Variants in LRBA observed in about 807,000 individuals in gnomAD.
The protein encoded by LRBA is lipopolysaccharide-responsive and beige-like anchor protein.
A neutral mutation model predicts 330.0 loss-of-function variants in LRBA; 176 were observed. That is an observed-to-expected ratio of 0.53 (90% confidence interval 0.47 to 0.60). The LOEUF is 0.60. Among genes scored for constraint, LRBA ranks in the 20% least tolerant of loss-of-function variants. The pLI, the probability that LRBA is intolerant of heterozygous loss-of-function variation, is 0.00. For synonymous variants in LRBA, 1,230 were observed against 1,193.0 expected (o/e 1.03, Z -0.64); for missense variants, 3,259 against 3,444.8 (o/e 0.95, Z 1.35).
chr4:150,541,344 G>C lies in LRBA; in HGVS notation c.6330+46704C>G, dbSNP rs181074058. ...AAAATATACCTAATGATCAGTCCTA[G>C]CTTCAAGGAAAGCTGGAAAAACTGG... On this transcript the variant is annotated intron_variant, in intron 40 of 56. Transcript: ENST00000651943. Among the ~76,000 whole-genome samples the C allele has an allele frequency of 1.5e-4, 23 of 152,246 alleles. 1 individual carries two copies. Among genetic ancestry groups the C allele is most frequent in the African/African-American group, 5.3e-4 (22 of 41,532 alleles).
At chr4:150,313,355 T>C (rs1731304073) in intron 51 of LRBA, among the ~76,000 whole-genome samples, 2 of 152,220 alleles carry the variant, frequency 1.3e-5, no homozygotes, top group South Asian at 4.1e-4. Flanking sequence ...CTCTGATACT[T>C]AGATTCTATT....
intron 36 of LRBA, among the ~76,000 whole-genome samples, chr4:150,729,921 T>G (rs1730210801): frequency 6.6e-6 from 1 of 152,286 alleles, no homozygotes; most frequent in East Asian, 1.9e-4. Context: ...TATATGGCAC[T>G]GGGAAAGCTA....
At chr4:150,977,415 C>T (rs1462229254) in intron 2 of LRBA, among the ~76,000 whole-genome samples, 1 of 152,122 alleles carries the variant, frequency 6.6e-6, no homozygotes, top group Non-Finnish European at 1.5e-5. Flanking sequence ...GAACCCGCTG[C>T]CTTGAAGGGA....
intron 40 of LRBA, among the ~76,000 whole-genome samples, chr4:150,539,100 C>G (rs1165861929): frequency 1.3e-5 from 2 of 152,066 alleles, no homozygotes; most frequent in African/African-American, 4.8e-5. Flanking sequence ...TTCAGGCTCC[C>G]GAGTAGCTGG....
intron 47 of LRBA, among the ~76,000 whole-genome samples, chr4:150,413,219 G>A (rs549553338): frequency 7.2e-5 from 11 of 152,026 alleles, no homozygotes; most frequent in African/African-American, 2.7e-4. Flanking sequence ...GTCTTGTTAA[G>A]GATAGGGAAA....
rs1471592720 is a variant in LRBA, at chr4:150,893,080, G to A, written c.2137C>T (p.Pro713Ser). ...LMSEHPNSMI[P>S]AFDQRNGLRV... The stretch of plus-strand genomic sequence containing the variant: ...AACCCATTCCTTTGGTCAAAAGCAG[G>A]AATCATAGAGTTAGGGTGTTCTGAC... Residue 713 changes from proline (P) to serine (S), a missense_variant, in exon 17 of 57, where the codon CCT becomes TCT. Physicochemically the swap from Pro to Ser is moderately conservative, Grantham distance 74 (BLOSUM62 -1). Transcript: ENST00000651943. 2 of 1,611,012 alleles carry A rather than the reference G, an allele frequency of 1.2e-6. No individual in the cohort carries two copies. Among genetic ancestry groups the A allele is most frequent in the Non-Finnish European group, 8.5e-7 (1 of 1,178,226 alleles).
chr4:150,446,865 C>T (rs1752677580), intron 44 of LRBA, among the ~76,000 whole-genome samples: 1 of 152,154 alleles, frequency 6.6e-6, no homozygotes, highest in South Asian at 2.1e-4. Context: ...ACATAGAGAA[C>T]TTACATTTTA....
chr4:150,415,615 G>A, intron 46 of LRBA, 25 bp from the exon 47 acceptor site: 2 of 1,394,664 alleles, frequency 1.4e-6, no homozygotes, highest in Non-Finnish European at 2.0e-6. Context: ...AAGACAATGT[G>A]ATATTATAAA....
chr4:150,519,507 T>C (rs189713480), intron 40 of LRBA, among the ~76,000 whole-genome samples: 96 of 152,294 alleles, frequency 6.3e-4, no homozygotes, highest in African/African-American at 2.3e-3. Flanking sequence ...CCGTAAAGTT[T>C]TTGAGGTTGT....
At chr4:150,933,487 A>T (rs1734730893) in intron 2 of LRBA, among the ~76,000 whole-genome samples, 1 of 152,194 alleles carries the variant, frequency 6.6e-6, no homozygotes, top group Non-Finnish European at 1.5e-5. Flanking sequence ...ACTGTGAGAA[A>T]ATCAAGGTGG....
At chr4:150,955,563 G>C (rs527622764) in intron 2 of LRBA, among the ~76,000 whole-genome samples, 1 of 148,460 alleles carries the variant, frequency 6.7e-6, no homozygotes, top group African/African-American at 2.6e-5. Flanking sequence ...GGTCAGCCTG[G>C]GCAACACAAG....
chr4:150,759,044 G>A (rs1418209083), intron 35 of LRBA, among the ~76,000 whole-genome samples: 1 of 151,838 alleles, frequency 6.6e-6, no homozygotes, highest in Non-Finnish European at 1.5e-5. Flanking sequence ...AGCTTTCCAA[G>A]TAGCTGGTAC....
At chr4:150,489,161 AATATATT>A (rs1409414872) in intron 41 of LRBA, among the ~76,000 whole-genome samples, 2 of 122,366 alleles carry the variant, frequency 1.6e-5, no homozygotes, top group African/African-American at 6.6e-5. Flanking sequence ...CAGAATATAT[AATATATT>A]ATATATAAGT....
rs1244749610 is a variant in LRBA, at chr4:150,291,241, G to C, written c.8018-5207C>G. Among the ~76,000 whole-genome samples the C allele has an allele frequency of 3.5e-5, 5 of 144,800 alleles. No individual in the cohort carries two copies. The East Asian group carries it at 8.3e-4, about 24-fold the overall frequency. 95.0% of individuals were successfully genotyped at this position (144,800 alleles called of 152,430 possible). A position where few individuals can be genotyped will look rare whatever the true frequency, so the allele number is the denominator to read the frequency against. ...ACAAATGGGATCTAATTAAACTAAA[G>C]AGCTTCTGCACAGCAAAAGAAACTA... On this transcript the variant is annotated intron_variant, in intron 53 of 56. Coordinates refer to ENST00000651943, the MANE Select transcript of LRBA (RefSeq NM_001364905.1).
intron 4 of LRBA, among the ~76,000 whole-genome samples, chr4:150,926,954 C>G (rs1387382840): frequency 6.6e-6 from 1 of 151,598 alleles, no homozygotes; most frequent in Non-Finnish European, 1.5e-5. Context: ...GCCTGTAATC[C>G]CAGCAACTCA....
intron 34 of LRBA, among the ~76,000 whole-genome samples, chr4:150,788,973 C>T (rs1739500065): frequency 6.6e-6 from 1 of 151,694 alleles, no homozygotes; most frequent in African/African-American, 2.4e-5. Flanking sequence ...ACTCGGAAGG[C>T]TGAGGCAGGA....
intron 2 of LRBA, among the ~76,000 whole-genome samples, chr4:150,968,941 G>C (rs946941080): frequency 6.6e-6 from 1 of 152,148 alleles, no homozygotes; most frequent in African/African-American, 2.4e-5. Flanking sequence ...AAAATCGTAA[G>C]ATCCTTCAGA....
chr4:150,473,361 T>C (rs1430264809), intron 42 of LRBA, among the ~76,000 whole-genome samples: 1 of 152,196 alleles, frequency 6.6e-6, no homozygotes, highest in Non-Finnish European at 1.5e-5. Context: ...TAGTTAATTT[T>C]ATGTGTCAGC....
At chr4:150,616,978 A>T (rs1162264987) in intron 37 of LRBA, among the ~76,000 whole-genome samples, 1 of 152,246 alleles carries the variant, frequency 6.6e-6, no homozygotes, top group Non-Finnish European at 1.5e-5. Context: ...CTAAGGGCTT[A>T]TTCATGTTCA....
Sources: gnomAD v4.1 joint callset for allele counts (sites outside exome capture counted in the v4.1 genomes callset) on GRCh38, gnomAD v4.1.1 for gene constraint, MANE v1.5 for transcripts, NCBI Gene and HGNC (gene_info 2026-07-23, HGNC 2026-07-21) for gene names.